The following ZBTB7C variants were observed in gnomAD, a reference collection of about 807,000 sequenced individuals.
ZBTB7C encodes zinc finger and BTB domain-containing protein 7C.
ZBTB7C carries 8 observed loss-of-function variants against 25.7 expected under a neutral mutation model. The observed-to-expected ratio is 0.31, with a 90% CI of 0.18 to 0.56. The LOEUF is 0.56. ZBTB7C is among the 20% of genes least tolerant of loss of function. ZBTB7C has a pLI of 0.91. For synonymous variants in ZBTB7C, 394 were observed against 369.0 expected, an observed-to-expected ratio of 1.07 and a Z score of -0.78; for missense variants, 824 against 855.2, an observed-to-expected ratio of 0.96 and a Z score of 0.46.
intron 3 of ZBTB7C, among the ~76,000 whole-genome samples, chr18:48,169,051 G>A (rs2041372101): frequency 6.6e-6 from 1 of 152,264 alleles, no homozygotes; most frequent in Admixed American, 6.5e-5. Context: ...AAGGGGGTCT[G>A]TGTGTACCAC....
intron 2 of ZBTB7C, among the ~76,000 whole-genome samples, chr18:48,243,553 T>C (rs1820743896): frequency 6.6e-6 from 1 of 152,116 alleles, no homozygotes; most frequent in African/African-American, 2.4e-5. Flanking sequence ...AAACATCCCA[T>C]ACTCATGGAT....
At chr18:48,080,291 A>ACAG (rs1231890004) in intron 3 of ZBTB7C, among the ~76,000 whole-genome samples, 1 of 152,196 alleles carries the variant, frequency 6.6e-6, no homozygotes, top group Admixed American at 6.5e-5. Context: ...CTGAGTGCAG[A>ACAG]CAGCACCCTG....
chr18:48,253,891 G>A (rs2043942328), intron 2 of ZBTB7C, among the ~76,000 whole-genome samples: 1 of 152,186 alleles, frequency 6.6e-6, no homozygotes, highest in Non-Finnish European at 1.5e-5. Context: ...AGTAGCACTA[G>A]ATACTGACCA....
chr18:48,318,365 C>A (rs1328778326), intron 2 of ZBTB7C, among the ~76,000 whole-genome samples: 1 of 152,118 alleles, frequency 6.6e-6, no homozygotes, highest in Non-Finnish European at 1.5e-5. Context: ...AGCCTCTGGG[C>A]TAGAGGCCCA....
intron 3 of ZBTB7C, among the ~76,000 whole-genome samples, chr18:48,124,060 A>T (rs1161779581): frequency 6.6e-6 from 1 of 152,212 alleles, no homozygotes; most frequent in East Asian, 1.9e-4. Flanking sequence ...TGAGTTGTCA[A>T]GTTAACCCCA....
intron 3 of ZBTB7C, among the ~76,000 whole-genome samples, chr18:48,112,888 A>G (rs2039297109): frequency 6.6e-6 from 1 of 152,170 alleles, no homozygotes; most frequent in Admixed American, 6.5e-5. Flanking sequence ...TGAGTATTTC[A>G]GTGATAAAGG....
At chr18:48,365,262 G>A (rs1369191815) in intron 1 of ZBTB7C, among the ~76,000 whole-genome samples, 3 of 152,194 alleles carry the variant, frequency 2.0e-5, no homozygotes, top group African/African-American at 7.2e-5. Flanking sequence ...ACAGATCTGG[G>A]ATAAAGTCTG....
intron 2 of ZBTB7C, among the ~76,000 whole-genome samples, chr18:48,236,733 A>C (rs1012408636): frequency 2.6e-5 from 4 of 152,214 alleles, no homozygotes; most frequent in South Asian, 2.1e-4. Context: ...AGATCAGACT[A>C]TAAAGGTGTT....
chr18:48,104,541 T>TTGTATGTATGTA (rs59450489), intron 3 of ZBTB7C, among the ~76,000 whole-genome samples: 2 of 151,842 alleles, frequency 1.3e-5, no homozygotes, highest in East Asian at 3.9e-4. Flanking sequence ...CTCAGTAAAG[T>TTGTATGTATGTA]TGTATGTATG....
chr18:48,201,213 G>A (rs926146990), intron 2 of ZBTB7C, among the ~76,000 whole-genome samples: 3 of 152,122 alleles, frequency 2.0e-5, no homozygotes, highest in African/African-American at 7.2e-5. Context: ...TGTTCAGACT[G>A]AACACCAGGC....
chr18:48,147,619 AT>A (rs55985488), intron 3 of ZBTB7C: 75,229 of 144,624 alleles, frequency 0.52, 20,215 homozygotes, highest in South Asian at 0.68. Flanking sequence ...ACATTATACT[AT>A]TTTTTTTTTT....
chr18:48,140,660 G>A (rs1404261975), intron 3 of ZBTB7C, among the ~76,000 whole-genome samples: 2 of 152,168 alleles, frequency 1.3e-5, no homozygotes, highest in Admixed American at 6.5e-5. Context: ...TAGGCAGGGG[G>A]AGGCTGAGAG....
At chr18:48,258,554 T>C (rs190869402) in intron 2 of ZBTB7C, among the ~76,000 whole-genome samples, 1 of 152,272 alleles carries the variant, frequency 6.6e-6, no homozygotes, top group Admixed American at 6.5e-5. Flanking sequence ...TGCCAGAAAA[T>C]TAAAGATCTA....
chr18:48,355,157 G>A (rs981403246), intron 1 of ZBTB7C, among the ~76,000 whole-genome samples: 1 of 152,130 alleles, frequency 6.6e-6, no homozygotes, highest in African/African-American at 2.4e-5. Context: ...GGGCATCTCT[G>A]GTTTATAACA....
At chr18:48,248,363 C>G (rs1226051309) in intron 2 of ZBTB7C, among the ~76,000 whole-genome samples, 1 of 152,178 alleles carries the variant, frequency 6.6e-6, no homozygotes, top group Non-Finnish European at 1.5e-5. Context: ...CTAATACACT[C>G]AGGATGCCAC....
At chr18:48,326,932 T>C (rs911191145) in intron 2 of ZBTB7C, among the ~76,000 whole-genome samples, 5 of 152,188 alleles carry the variant, frequency 3.3e-5, no homozygotes, top group African/African-American at 1.2e-4. Flanking sequence ...AACGCAATAA[T>C]AACACAAAGT....
chr18:48,104,913 C>T (rs1478415799), intron 3 of ZBTB7C, among the ~76,000 whole-genome samples: 8 of 152,136 alleles, frequency 5.3e-5, no homozygotes, highest in Admixed American at 5.2e-4. Flanking sequence ...GGGTGTGGGT[C>T]TTATATCAGA....
chr18:48,321,187 C>T (rs573139050), intron 2 of ZBTB7C, among the ~76,000 whole-genome samples: 28 of 152,298 alleles, frequency 1.8e-4, no homozygotes, highest in African/African-American at 6.5e-4. Flanking sequence ...GGGTGGGGAA[C>T]CACTGCTCAG....
intron 3 of ZBTB7C, among the ~76,000 whole-genome samples, chr18:48,090,272 C>T (rs888627515): frequency 1.3e-5 from 2 of 152,190 alleles, no homozygotes; most frequent in African/African-American, 2.4e-5. Context: ...GCCAGGGACA[C>T]GGGTGGCGTG....
Sources: allele counts gnomAD v4.1 joint callset (sites outside exome capture counted in the v4.1 genomes callset), GRCh38; gene constraint gnomAD v4.1.1; transcripts MANE v1.5; gene names NCBI Gene and HGNC (gene_info 2026-07-23, HGNC 2026-07-21).